Variants in MTA3 observed in about 807,000 individuals in gnomAD.
MTA3 encodes the protein metastasis-associated protein MTA3.
MTA3 carries 34 observed loss-of-function variants against 83.5 expected under a neutral mutation model. The ratio of observed to expected loss-of-function variants is 0.41; its 90% CI spans 0.31 to 0.54. The LOEUF (loss-of-function observed/expected upper bound fraction) is 0.54, where lower values mean the gene tolerates loss of function less well. Ranked by LOEUF, MTA3 falls within the 20% of genes least tolerant of loss-of-function variation. The pLI is 0.33. For synonymous variants in MTA3, 303 were observed against 252.7 expected, an observed-to-expected ratio of 1.20 and a Z score of -1.89; for missense variants, 761 against 726.4, an observed-to-expected ratio of 1.05 and a Z score of -0.55.
intron 2 of MTA3, among the ~76,000 whole-genome samples, chr2:42,510,287 C>G (rs577087973): frequency 6.7e-6 from 1 of 149,068 alleles, no homozygotes; most frequent in Non-Finnish European, 1.5e-5. Flanking sequence ...GATTGCACCA[C>G]TGCTCTCCAG....
intron 2 of MTA3, among the ~76,000 whole-genome samples, chr2:42,504,537 GCC>G (rs1276550749): frequency 6.6e-6 from 1 of 152,138 alleles, no homozygotes; most frequent in Non-Finnish European, 1.5e-5. Flanking sequence ...ACCACACCAA[GCC>G]CCATGAACCA....
intron 14 of MTA3, among the ~76,000 whole-genome samples, chr2:42,716,682 A>G (rs1193889610): frequency 6.6e-6 from 1 of 152,200 alleles, no homozygotes; most frequent in Non-Finnish European, 1.5e-5. Context: ...TTCTGGCTGC[A>G]TAGTGTTTCA....
chr2:42,639,214 C>T (rs1687479901), intron 4 of MTA3, among the ~76,000 whole-genome samples: 1 of 151,912 alleles, frequency 6.6e-6, no homozygotes, highest in African/African-American at 2.4e-5. Flanking sequence ...GCATGTGCTA[C>T]CATACCCCAC....
At chr2:42,661,167 G>T (rs908065214) in intron 8 of MTA3, among the ~76,000 whole-genome samples, 1 of 152,172 alleles carries the variant, frequency 6.6e-6, no homozygotes, top group Non-Finnish European at 1.5e-5. Context: ...TTGTATTTCA[G>T]TTGTTTAGAG....
At chr2:42,607,086 AGGG>A (rs1179695459) in intron 3 of MTA3, among the ~76,000 whole-genome samples, 8 of 121,040 alleles carry the variant, frequency 6.6e-5, no homozygotes, top group African/African-American at 2.3e-4. Context: ...GGGTAGGGGT[AGGG>A]GTAGGGGTAG....
chr2:42,607,778 C>G (rs959844572), intron 3 of MTA3, among the ~76,000 whole-genome samples: 5 of 152,130 alleles, frequency 3.3e-5, no homozygotes, highest in African/African-American at 1.2e-4. Context: ...TGATGAAACC[C>G]TGTCTCTACT....
chr2:42,586,558 ACAC>A (rs1680342589), intron 3 of MTA3, among the ~76,000 whole-genome samples: 1 of 542 alleles, frequency 1.8e-3, no homozygotes, highest in African/African-American at 0.018. Flanking sequence ...AGGAAGGAAA[ACAC>A]ACACACACAC....
chr2:42,685,182 A>G (rs1692254547), intron 9 of MTA3, among the ~76,000 whole-genome samples: 1 of 152,244 alleles, frequency 6.6e-6, no homozygotes, highest in African/African-American at 2.4e-5. Context: ...AGTATCAGAT[A>G]AAATTAACTA....
In MTA3 at chr2:42,670,707, C is replaced by G. The variant is rs188030466; in HGVS notation, c.702+10845C>G. Among the ~76,000 whole-genome samples, 278 of 151,362 alleles carry G rather than the reference C, an allele frequency of 1.8e-3. 2 individuals are homozygous for G. Among genetic ancestry groups the G allele is most frequent in the African/African-American group, 6.4e-3 (265 of 41,252 alleles). ...GATCTGCTGGGGCCTAGTGCGAGAGCTCAGTCCAAAATAATGGCCTTCCAT... is the reference window on the plus strand; with the variant it reads ...GATCTGCTGGGGCCTAGTGCGAGAGGTCAGTCCAAAATAATGGCCTTCCAT... On this transcript the variant is annotated intron_variant, in intron 8 of 16. Transcript: ENST00000405094.
intron 3 of MTA3, among the ~76,000 whole-genome samples, chr2:42,588,196 G>A (rs540364485): frequency 6.6e-6 from 1 of 152,182 alleles, no homozygotes; most frequent in South Asian, 2.1e-4. Flanking sequence ...AATGAGACAG[G>A]TTTAGCTTTC....
intron 2 of MTA3, among the ~76,000 whole-genome samples, chr2:42,549,699 ATT>A (rs1378175143): frequency 7.6e-6 from 1 of 131,172 alleles, no homozygotes; most frequent in African/African-American, 2.9e-5. Context: ...ATATATACAT[ATT>A]ATATATTATA....
intron 4 of MTA3, among the ~76,000 whole-genome samples, chr2:42,628,782 T>G (rs1478236180): frequency 6.6e-6 from 1 of 152,022 alleles, no homozygotes; most frequent in Non-Finnish European, 1.5e-5. Flanking sequence ...CTTTTTTTTT[T>G]TTTTTTTGGT....
intron 4 of MTA3, among the ~76,000 whole-genome samples, chr2:42,631,735 G>A (rs983764622): frequency 1.3e-5 from 2 of 152,072 alleles, no homozygotes; most frequent in Non-Finnish European, 2.9e-5. Flanking sequence ...AGTGACCCAG[G>A]CTGGAGTGCA....
intron 8 of MTA3, among the ~76,000 whole-genome samples, chr2:42,666,515 A>G (rs1316708830): frequency 2.0e-5 from 3 of 152,128 alleles, no homozygotes; most frequent in Non-Finnish European, 4.4e-5. Context: ...GTCTTGCCAC[A>G]GGACTTGCAT....
chr2:42,751,537 C>CA (rs1669870291), intron 16 of MTA3, among the ~76,000 whole-genome samples: 1 of 152,112 alleles, frequency 6.6e-6, no homozygotes, highest in African/African-American at 2.4e-5. Flanking sequence ...CTTGTAAGGG[C>CA]AGGTGGTAAG....
At chr2:42,700,414 C>G (rs1254694293) in intron 11 of MTA3, among the ~76,000 whole-genome samples, 1 of 152,152 alleles carries the variant, frequency 6.6e-6, no homozygotes, top group African/African-American at 2.4e-5. Flanking sequence ...ATTCACATGT[C>G]TATATGCAGT....
At chr2:42,673,677 T>C (rs530184813) in intron 8 of MTA3, among the ~76,000 whole-genome samples, 1 of 152,182 alleles carries the variant, frequency 6.6e-6, no homozygotes, top group Admixed American at 6.5e-5. Context: ...GATTGACTAG[T>C]GGGAGGAGGT....
intron 3 of MTA3, among the ~76,000 whole-genome samples, chr2:42,586,660 A>T (rs1680367628): frequency 6.6e-6 from 1 of 151,640 alleles, no homozygotes; most frequent in Admixed American, 6.6e-5. Context: ...GGCTTCCAGC[A>T]CTTTGGGGGC....
At chr2:42,620,623 G>A (rs567513081) in intron 4 of MTA3, among the ~76,000 whole-genome samples, 1 of 152,238 alleles carries the variant, frequency 6.6e-6, no homozygotes, top group East Asian at 1.9e-4. Context: ...CTCCCAATTA[G>A]CTTGGACCAC....
Sources: allele counts gnomAD v4.1 joint callset (sites outside exome capture counted in the v4.1 genomes callset), GRCh38; gene constraint gnomAD v4.1.1; transcripts MANE v1.5; gene names NCBI Gene and HGNC (gene_info 2026-07-23, HGNC 2026-07-21).